The following PGR variants were observed in gnomAD, a reference collection of about 807,000 sequenced individuals.
PGR encodes the protein nuclear receptor subfamily 3 group C member 3.
PGR carries 25 observed loss-of-function variants against 76.1 expected under a neutral mutation model. The observed-to-expected ratio is 0.33, with a 90% CI of 0.24 to 0.46. PGR has a LOEUF of 0.46. PGR is among the 20% of genes least tolerant of loss of function. PGR has a pLI of 1.00. For synonymous variants in PGR, 579 were observed against 535.0 expected (o/e 1.08, Z -1.14); for missense variants, 1,172 against 1,225.3 (o/e 0.96, Z 0.65).
chr11:101,128,750 G>C lies in PGR; in HGVS notation c.321C>G (p.Asp107Glu), dbSNP rs147932536. Residue 107 changes from aspartate to glutamate, a missense_variant, in exon 1 of 8, where the codon GAC (aspartate) becomes GAG (glutamate). By Grantham distance (45) the Asp-to-Glu change is conservative. This residue lies in a region of PGR where 893 missense variants were observed against 785.9 expected (regional missense o/e 1.14). Coordinates refer to ENST00000325455, the MANE Select transcript of PGR (RefSeq NM_000926.4). Reference protein sequence around the residue: ...GGSSSSPPEKDSGLLDSVLDT... With the variant: ...GGSSSSPPEKESGLLDSVLDT... ...CCAAGACACTGTCCAGCAGTCCGCT[G>C]TCCTTTTCTGGGGGACTAGAACTGC... The C allele has an allele frequency of 6.2e-7, 1 of 1,613,604 alleles. No homozygotes were observed. Among genetic ancestry groups the C allele is most frequent in the Non-Finnish European group, 8.5e-7 (1 of 1,180,042 alleles).
At chr11:101,040,611 G>A (rs1460764253) in intron 7 of PGR, among the ~76,000 whole-genome samples, 1 of 152,034 alleles carries the variant, frequency 6.6e-6, no homozygotes, top group Non-Finnish European at 1.5e-5. Flanking sequence ...CTGCAGAGAA[G>A]TCCAACATCA....
At position 101,128,174 on chromosome 11, in the gene PGR, C is replaced by T. The variant is rs750801185; in HGVS notation, c.897G>A (p.Thr299=). The T allele has an allele frequency of 6.3e-7, 1 of 1,597,868 alleles. No individual in the cohort carries two copies. The highest frequency in any genetic ancestry group is 1.1e-5 in the South Asian group (1 of 91,048). The change falls in exon 1 of 8, where the codon ACG becomes ACA. Residue 299 remains threonine (T), a synonymous_variant. Transcript: ENST00000325455. ...MAPGRSPLAT[T]VMDFIHVPIL... ...TAGGCACGTGGATGAAATCCATCAC[C>T]GTGGTGGCCAGCGGGGAGCGCCCGG...
intron 4 of PGR, among the ~76,000 whole-genome samples, chr11:101,059,652 A>G (rs1223012562): frequency 2.0e-5 from 3 of 151,842 alleles, no homozygotes; most frequent in Non-Finnish European, 2.9e-5. Flanking sequence ...TGGGTAAAAC[A>G]GTTAAACCCA....
rs117233076 is a variant in PGR at position 101,072,946 on chromosome 11, T to A, written c.1907-10194A>T. Among the ~76,000 whole-genome samples the A allele has an allele frequency of 5.9e-5, 9 of 152,270 alleles. No individual in the cohort carries two copies. The East Asian group carries it at 1.7e-3, about 29-fold the overall frequency. On this transcript the variant is annotated intron_variant, in intron 3 of 7. Transcript: ENST00000325455. Reference sequence around the variant, plus strand: ...GAAAATTAATAAGGATATCCAGGACTTGAACTCAGGCTCTGGACCAAGTGG... The same window carrying A: ...GAAAATTAATAAGGATATCCAGGACATGAACTCAGGCTCTGGACCAAGTGG...
chr11:101,032,773 T>C lies in PGR; in HGVS notation c.*6343A>G, dbSNP rs1449482691. 3 of 197,002 alleles carry C rather than the reference T, an allele frequency of 1.5e-5. No homozygotes were observed. The highest frequency in any genetic ancestry group is 2.3e-5 in the African/African-American group (1 of 43,358). The allele number at this position is 197,002 out of a possible 1,614,324, so 12.2% of individuals were successfully genotyped here. ...CAGCATAAGCATTCACAGTACAATATTGTAGCTATCTGTTTACCTGTCTTT... is the reference window on the plus strand; with the variant it reads ...CAGCATAAGCATTCACAGTACAATACTGTAGCTATCTGTTTACCTGTCTTT... On this transcript the variant is annotated 3_prime_UTR_variant, in exon 8 of 8. Transcript: ENST00000325455.
At chr11:101,048,680 C>T (rs1409078869) in intron 6 of PGR, among the ~76,000 whole-genome samples, 4 of 152,078 alleles carry the variant, frequency 2.6e-5, no homozygotes, top group African/African-American at 4.8e-5. Context: ...CGTGAGTCAG[C>T]GAGTGAGTGG....
chr11:101,039,386 G>A lies in PGR; in HGVS notation c.2647-115C>T, dbSNP rs987916649. On this transcript the variant is annotated intron_variant, in intron 7 of 7. Transcript: ENST00000325455. ...TTATAATATAAATACTTCTCAAGGT[G>A]TTTTTTTCTTACCATAGTGAAAATA... is the stretch of plus-strand genomic sequence containing the variant. The A allele has an allele frequency of 1.5e-4, 121 of 816,094 alleles. 1 individual carries two copies. Among genetic ancestry groups the A allele is most frequent in the Non-Finnish European group, 2.1e-4 (108 of 502,738 alleles). The allele number at this position is 816,094 out of a possible 1,614,324, so 50.6% of individuals were successfully genotyped here.
At chr11:101,074,363 G>A (rs560527) in intron 3 of PGR, among the ~76,000 whole-genome samples, 1 of 151,856 alleles carries the variant, frequency 6.6e-6, no homozygotes, top group Non-Finnish European at 1.5e-5. Context: ...AACCCACAGC[G>A]AATATCATAA....
intron 2 of PGR, among the ~76,000 whole-genome samples, chr11:101,119,448 G>A (rs1862607537): frequency 6.6e-6 from 1 of 151,836 alleles, no homozygotes; most frequent in South Asian, 2.1e-4. Flanking sequence ...GGCTAATAAT[G>A]TGGCCATGCT....
intron 2 of PGR, among the ~76,000 whole-genome samples, chr11:101,123,899 A>G (rs1361700334): frequency 6.6e-6 from 1 of 152,218 alleles, no homozygotes; most frequent in African/African-American, 2.4e-5. Flanking sequence ...AGAAATGTCA[A>G]TGGAAACTGA....
In PGR at chr11:101,062,428, A is replaced by G. The variant is rs1309897694; in HGVS notation, c.2212+19T>C. ...TAGTATATTTTTTATTACATGCTGT[A>G]TATAAAAATTATTATTACCTGGCAA... On this transcript the variant is annotated intron_variant, in intron 4 of 7. Transcript: ENST00000325455. The G allele has an allele frequency of 1.3e-6, 2 of 1,560,596 alleles. No homozygotes were observed. Among genetic ancestry groups the G allele is most frequent in the African/African-American group, 1.4e-5 (1 of 73,884 alleles).
At chr11:101,089,230 T>C (rs977565784) in intron 3 of PGR, among the ~76,000 whole-genome samples, 3 of 151,892 alleles carry the variant, frequency 2.0e-5, no homozygotes, top group African/African-American at 4.8e-5. Flanking sequence ...AATGGTCTAA[T>C]ACACTCTTTC....
At chr11:101,068,671 T>C (rs148510289) in intron 3 of PGR, among the ~76,000 whole-genome samples, 3,158 of 152,028 alleles carry the variant, frequency 0.021, 39 homozygotes, top group Non-Finnish European at 0.034. Context: ...CAAACAGATA[T>C]ATAGAACAAT....
intron 3 of PGR, among the ~76,000 whole-genome samples, chr11:101,087,038 T>C (rs973240220): frequency 7.2e-5 from 11 of 152,198 alleles, no homozygotes; most frequent in African/African-American, 2.7e-4. Flanking sequence ...TCAATGTTAT[T>C]CCTATCAAAC....
chr11:101,071,625 G>A lies in PGR; in HGVS notation c.1907-8873C>T, dbSNP rs1860939620. ...TACCTAGAATAACCATTTTAGAGAA[G>A]AACATAAATGACCTGATGGAGCTGA... On this transcript the variant is annotated intron_variant, in intron 3 of 7. Transcript: ENST00000325455. Among the ~76,000 whole-genome samples, 6 of 151,884 alleles carry A rather than the reference G, an allele frequency of 4.0e-5. No homozygotes were observed. In the South Asian group the frequency reaches 1.2e-3, roughly 32 times the overall value.
intron 7 of PGR, 90 bp downstream of exon 7, chr11:101,041,855 C>G: frequency 3.5e-6 from 4 of 1,154,434 alleles, no homozygotes; most frequent in Non-Finnish European, 5.1e-6. Flanking sequence ...CTGAGAAAAT[C>G]ATACAAAGTA....
Position 101,039,284 on chromosome 11 carries a change from C to T in PGR, c.2647-13G>A. 1.9e-6 allele frequency: 3 copies of T among 1,590,640 alleles called. No homozygotes were observed. The highest frequency in any genetic ancestry group is 2.6e-6 in the Non-Finnish European group (3 of 1,159,752). ...GTTGTTTGACAAGCTGTTGGTTTAA[C>T]AAATGAGTAGAAAACATGTAATAAA... On this transcript the variant is annotated splice_polypyrimidine_tract_variant and intron_variant, in intron 7 of 7. Transcript: ENST00000325455.
Position 101,062,442 on chromosome 11 carries a change from A to G in PGR, c.2212+5T>C. ...TTACATGCTGTATATAAAAATTATTATTACCTGGCAATGATTTAGACCACT... is the reference window on the plus strand; with the variant it reads ...TTACATGCTGTATATAAAAATTATTGTTACCTGGCAATGATTTAGACCACT... On this transcript the variant is annotated splice_donor_5th_base_variant and intron_variant, in intron 4 of 7. Transcript: ENST00000325455. 6.2e-7 allele frequency: 1 copy of G among 1,604,764 alleles called. No homozygotes were observed. The highest frequency in any genetic ancestry group is 8.5e-7 in the Non-Finnish European group (1 of 1,171,684).
chr11:101,042,778 T>C (rs1274537578), intron 6 of PGR, among the ~76,000 whole-genome samples: 2 of 152,162 alleles, frequency 1.3e-5, no homozygotes, highest in African/African-American at 4.8e-5. Flanking sequence ...ACATGCATCT[T>C]TTTGTTTCCC....
Sources: gnomAD v4.1 joint callset for allele counts (sites outside exome capture counted in the v4.1 genomes callset) on GRCh38, gnomAD v4.1.1 for gene constraint, gnomAD v4.1.1 regional missense constraint, MANE v1.5 for transcripts, NCBI Gene and HGNC (gene_info 2026-07-23, HGNC 2026-07-21) for gene names.